The following MTA3 variants were observed in gnomAD, a reference collection of about 807,000 sequenced individuals.
The protein encoded by MTA3 is metastasis associated 1 family member 3, also known as metastasis-associated protein MTA3.
MTA3 carries 34 observed loss-of-function variants against 83.5 expected under a neutral mutation model. That is an observed-to-expected ratio of 0.41 (90% CI 0.31 to 0.54). The LOEUF (loss-of-function observed/expected upper bound fraction) is 0.54, where lower values mean the gene tolerates loss of function less well. Ranked by LOEUF, MTA3 falls within the 20% of genes least tolerant of loss-of-function variation. The probability of loss-of-function intolerance (pLI) is 0.33; values close to 1 mark genes in which losing one functional copy is unlikely to be tolerated. For missense variants in MTA3, 761 were observed against 726.4 expected (o/e 1.05, Z -0.55); for synonymous variants, 303 against 252.7 (o/e 1.20, Z -1.89).
At chr2:42,624,316 A>G (rs1042410734) in intron 4 of MTA3, among the ~76,000 whole-genome samples, 1 of 151,708 alleles carries the variant, frequency 6.6e-6, no homozygotes, top group African/African-American at 2.4e-5. Flanking sequence ...TTTAATTTTT[A>G]ATTTTTTAAT....
intron 4 of MTA3, among the ~76,000 whole-genome samples, chr2:42,625,614 G>A (rs1685995981): frequency 6.7e-6 from 1 of 150,226 alleles, no homozygotes; most frequent in Non-Finnish European, 1.5e-5. Flanking sequence ...GGGCGTGGTG[G>A]CAGGCGCCTG....
chr2:42,686,629 A>G (rs1692392395), intron 9 of MTA3, among the ~76,000 whole-genome samples: 2 of 152,140 alleles, frequency 1.3e-5, no homozygotes, highest in Admixed American at 6.5e-5. Flanking sequence ...GTTCGATACC[A>G]GCCTGGCCAA....
At chr2:42,524,304 ATTT>A in intron 2 of MTA3, among the ~76,000 whole-genome samples, 1 of 144,306 alleles carries the variant, frequency 6.9e-6, no homozygotes, top group East Asian at 2.0e-4. Context: ...CATTATTATT[ATTT>A]TTTTTTTTTT....
chr2:42,672,173 C>A (rs1304049819), intron 8 of MTA3, among the ~76,000 whole-genome samples: 2 of 151,960 alleles, frequency 1.3e-5, no homozygotes, highest in Non-Finnish European at 2.9e-5. Flanking sequence ...GTCACTGTGA[C>A]CTATTGTCCC....
At chr2:42,711,375 ATTAAG>A (rs1666595085) in intron 14 of MTA3, among the ~76,000 whole-genome samples, 1 of 152,206 alleles carries the variant, frequency 6.6e-6, no homozygotes, top group Non-Finnish European at 1.5e-5. Context: ...AGGGATCATA[ATTAAG>A]TTACCTGTAT....
intron 2 of MTA3, 51 bp from the exon 3 acceptor site, chr2:42,579,056 A>T: frequency 7.9e-7 from 1 of 1,263,408 alleles, no homozygotes; most frequent in South Asian, 1.4e-5. Context: ...TGTATAAATT[A>T]TTTGACTCTA....
At chr2:42,498,592 C>G (rs770965817) in intron 2 of MTA3, among the ~76,000 whole-genome samples, 1 of 152,106 alleles carries the variant, frequency 6.6e-6, no homozygotes, top group South Asian at 2.1e-4. Context: ...TAACATACAT[C>G]GTGTTCACTT....
chr2:42,597,757 T>A (rs1324159372), intron 3 of MTA3, among the ~76,000 whole-genome samples: 1 of 150,902 alleles, frequency 6.6e-6, no homozygotes, highest in Admixed American at 6.6e-5. Flanking sequence ...CTCAGCTTAC[T>A]GCAACCTCTG....
At chr2:42,723,244 CATCTCCTGTT>C (rs1667556909) in intron 16 of MTA3, 1 of 582,598 alleles carries the variant, frequency 1.7e-6, no homozygotes, top group Admixed American at 3.4e-5. Context: ...TATTTGCTCC[CATCTCCTGTT>C]AGGAGGCGTT....
intron 14 of MTA3, among the ~76,000 whole-genome samples, chr2:42,710,021 A>T (rs961037089): frequency 1.3e-5 from 2 of 152,250 alleles, no homozygotes; most frequent in Non-Finnish European, 2.9e-5. Flanking sequence ...AGAGCCGTGC[A>T]GCTTTTGTTC....
At chr2:42,751,996 A>G (rs887688730) in intron 16 of MTA3, among the ~76,000 whole-genome samples, 3 of 152,210 alleles carry the variant, frequency 2.0e-5, no homozygotes, top group South Asian at 4.1e-4. Flanking sequence ...ATTAAGGTCT[A>G]CATTCAAATC....
At chr2:42,601,863 G>A (rs1682619748) in intron 3 of MTA3, among the ~76,000 whole-genome samples, 1 of 151,978 alleles carries the variant, frequency 6.6e-6, no homozygotes, top group East Asian at 1.9e-4. Context: ...CTGATCCCAT[G>A]GAGTCTTGCT....
chr2:42,673,999 C>G (rs1011626409), intron 8 of MTA3, among the ~76,000 whole-genome samples: 2 of 152,216 alleles, frequency 1.3e-5, no homozygotes. Flanking sequence ...TTCTGATACA[C>G]TCATCTGCAG....
intron 15 of MTA3, among the ~76,000 whole-genome samples, chr2:42,722,536 A>T (rs113155499): frequency 6.6e-6 from 1 of 152,054 alleles, no homozygotes; most frequent in African/African-American, 2.4e-5. Context: ...CCCCAAGGCT[A>T]CCTCTCCAGA....
chr2:42,722,993 A>C lies in MTA3; in HGVS notation c.1717A>C (p.Ile573Leu). Residue 573 changes from isoleucine (I) to leucine (L), a missense_variant, in exon 16 of 17, where the codon ATT becomes CTT. Ile to Leu is a conservative substitution (Grantham distance 5). Transcript: ENST00000405094. ...LTTPNHTSLS[I>L]LGKRNYSHHN... is the part of the protein sequence containing the mutation. Reference sequence around the variant, plus strand: ...AACTCCAAATCACACATCTCTGAGCATTCTGGGGAAAAGAAACTACAGTCA... The same window carrying C: ...AACTCCAAATCACACATCTCTGAGCCTTCTGGGGAAAAGAAACTACAGTCA... 1 of 1,551,114 alleles carries C rather than the reference A, an allele frequency of 6.4e-7. No homozygotes were observed. Among genetic ancestry groups the C allele is most frequent in the South Asian group, 1.2e-5 (1 of 84,066 alleles).
intron 2 of MTA3, among the ~76,000 whole-genome samples, chr2:42,539,887 CT>C (rs1420140362): frequency 6.6e-6 from 1 of 152,062 alleles, no homozygotes; most frequent in Non-Finnish European, 1.5e-5. Flanking sequence ...TTTTAAAGCT[CT>C]TGATAAGCTA....
intron 2 of MTA3, among the ~76,000 whole-genome samples, chr2:42,520,301 T>A (rs1422360793): frequency 6.6e-6 from 1 of 152,106 alleles, no homozygotes; most frequent in Admixed American, 6.6e-5. Context: ...CCAGAGGACC[T>A]CTCCACCTGA....
chr2:42,523,551 C>T (rs777715504), intron 2 of MTA3, among the ~76,000 whole-genome samples: 7 of 152,182 alleles, frequency 4.6e-5, no homozygotes, highest in Non-Finnish European at 1.5e-5. Context: ...ACGCTCATCT[C>T]AGTTGCTGTG....
At chr2:42,546,840 T>C (rs1288234891) in intron 2 of MTA3, among the ~76,000 whole-genome samples, 1 of 152,140 alleles carries the variant, frequency 6.6e-6, no homozygotes, top group African/African-American at 2.4e-5. Flanking sequence ...AAATAGGACA[T>C]GTGGGCAGAC....
Sources: gnomAD v4.1 joint callset for allele counts (sites outside exome capture counted in the v4.1 genomes callset) on GRCh38, gnomAD v4.1.1 for gene constraint, MANE v1.5 for transcripts, NCBI Gene and HGNC (gene_info 2026-07-23, HGNC 2026-07-21) for gene names.